The following NAA11 variants were observed in gnomAD, a reference collection of about 807,000 sequenced individuals.
NAA11 encodes N-alpha-acetyltransferase 11, NatA catalytic subunit.
Under a neutral mutation model 16.1 loss-of-function variants are expected in NAA11, and 15 were observed. The ratio of observed to expected loss-of-function variants is 0.93; its 90% CI spans 0.62 to 1.44. The LOEUF (loss-of-function observed/expected upper bound fraction) is 1.44. Among genes scored for constraint, NAA11 ranks in the 40% most tolerant of loss-of-function variants. The pLI, the probability that NAA11 is intolerant of heterozygous loss-of-function variation, is 0.00. For synonymous variants in NAA11, 122 were observed against 112.4 expected, an observed-to-expected ratio of 1.09 and a Z score of -0.54; for missense variants, 298 against 291.3, an observed-to-expected ratio of 1.02 and a Z score of -0.17.
chr4:79,162,123 A>C, the NAA11 span, among the ~76,000 whole-genome samples: 1,859 of 152,178 alleles, frequency 0.012, 40 homozygotes, highest in African/African-American at 0.042. Context: ...TTATTTTTAC[A>C]ATGTTTATTG....
chr4:79,199,147 T>C, the NAA11 span, among the ~76,000 whole-genome samples: 1 of 151,912 alleles, frequency 6.6e-6, no homozygotes, highest in Non-Finnish European at 1.5e-5. Context: ...TAAAAAGATA[T>C]GTAGCCGAGG....
At chr4:79,207,241 T>C in the NAA11 span, among the ~76,000 whole-genome samples, 1 of 151,920 alleles carries the variant, frequency 6.6e-6, no homozygotes, top group Admixed American at 6.6e-5. Context: ...CTATGTTGAA[T>C]AGAAGTGGTG....
the NAA11 span, among the ~76,000 whole-genome samples, chr4:79,167,347 T>C: frequency 6.8e-6 from 1 of 146,666 alleles, no homozygotes; most frequent in Non-Finnish European, 1.5e-5. Context: ...AGGACTTATG[T>C]TTTGGGAAAT....
the NAA11 span, among the ~76,000 whole-genome samples, chr4:79,204,092 T>G: frequency 1.3e-5 from 2 of 151,874 alleles, no homozygotes; most frequent in East Asian, 3.9e-4. Flanking sequence ...AAAGGTATTT[T>G]GACAATGTAT....
At chr4:79,246,131 A>G (rs1721817138) in intron 2 of NAA11, among the ~76,000 whole-genome samples, 1 of 152,198 alleles carries the variant, frequency 6.6e-6, no homozygotes. Flanking sequence ...AAATGGATTA[A>G]GGGCAGTGCA....
At chr4:79,318,005 C>T (rs1335663862) in intron 1 of NAA11, among the ~76,000 whole-genome samples, 2 of 152,114 alleles carry the variant, frequency 1.3e-5, no homozygotes, top group Non-Finnish European at 2.9e-5. Flanking sequence ...CCCCTCCCTG[C>T]CATAAGAACA....
the NAA11 span, among the ~76,000 whole-genome samples, chr4:79,161,485 G>T: frequency 6.6e-6 from 1 of 152,156 alleles, no homozygotes; most frequent in African/African-American, 2.4e-5. Context: ...TTTTCCAAGG[G>T]TGTTTTTTGC....
intron 2 of NAA11, among the ~76,000 whole-genome samples, chr4:79,236,089 G>C (rs574154417): frequency 6.6e-6 from 1 of 152,132 alleles, no homozygotes; most frequent in Non-Finnish European, 1.5e-5. Flanking sequence ...AATTATTATA[G>C]GTTAATTTTA....
chr4:79,219,587 CATTGACATTTTTT>C, the NAA11 span, among the ~76,000 whole-genome samples: 1 of 152,060 alleles, frequency 6.6e-6, no homozygotes, highest in Non-Finnish European at 1.5e-5. Context: ...ATATGATATG[CATTGACATTTTTT>C]TCAACTCTTA....
the NAA11 span, among the ~76,000 whole-genome samples, chr4:79,218,822 G>T: frequency 6.6e-6 from 1 of 152,068 alleles, no homozygotes. Context: ...ATTTTGCTTA[G>T]ATTCTTTAAG....
chr4:79,158,403 G>C, the NAA11 span, among the ~76,000 whole-genome samples: 1 of 151,922 alleles, frequency 6.6e-6, no homozygotes. Flanking sequence ...ATACCTAACT[G>C]AGGAAATGAA....
chr4:79,185,053 A>C, the NAA11 span, among the ~76,000 whole-genome samples: 2 of 152,130 alleles, frequency 1.3e-5, no homozygotes, highest in Non-Finnish European at 2.9e-5. Context: ...TGAATTTTAC[A>C]TGCCTGAGTT....
chr4:79,292,788 G>A (rs775308270), intron 2 of NAA11, among the ~76,000 whole-genome samples: 1 of 151,844 alleles, frequency 6.6e-6, no homozygotes, highest in Non-Finnish European at 1.5e-5. Context: ...TACCTTTTTT[G>A]CTTTGATCTA....
At position 79,303,076 on chromosome 4, in the gene NAA11, T is replaced by TTATATATATA. The variant is rs59261096; in HGVS notation, c.*13-8972_*13-8963dup. ...TTCATTCCTGTTCTCTTGAGGCCTT[T>TTATATATATA]TATATATATATATATATATATATAT... On this transcript the variant is annotated intron_variant and NMD_transcript_variant, in intron 1 of 2. Coordinates refer to the NAA11 transcript ENST00000511542. 6.1e-3 allele frequency among the ~76,000 whole-genome samples: 410 copies of TTATATATATA among 67,430 alleles called. 11 individuals are homozygous for TTATATATATA. Among genetic ancestry groups the TTATATATATA allele is most frequent in the Non-Finnish European group, 7.8e-3 (273 of 35,034 alleles). 44.2% of individuals were successfully genotyped at this position (67,430 alleles called of 152,430 possible). A position where few individuals can be genotyped will look rare whatever the true frequency, so the allele number is the denominator to read the frequency against.
rs1289396920 is a variant in NAA11, at chr4:79,325,586, T to C, written c.292A>G (p.Met98Val). The C allele has an allele frequency of 3.1e-6, 5 of 1,614,086 alleles. No homozygotes were observed. The highest frequency in any genetic ancestry group is 2.5e-6 in the Non-Finnish European group (3 of 1,179,940). The change falls in exon 1 of 2, where the codon ATG becomes GTG. Residue 98 changes from methionine (M) to valine (V), a missense_variant. Coordinates refer to ENST00000286794, the MANE Select transcript of NAA11 (RefSeq NM_032693.3). ...TATTTGGCGTTAAAGTTCTCTATCA[T>C]GGCCCTGGAGGCCTGGTCCATCAGC... ...QKLMDQASRA[M>V]IENFNAKYVS...
At chr4:79,223,580 G>T (rs1721241984), downstream of NAA11, among the ~76,000 whole-genome samples, 1 of 150,594 alleles carries the variant, frequency 6.6e-6, no homozygotes, top group Non-Finnish European at 1.5e-5. Flanking sequence ...CACCAGCATG[G>T]CACATGTATA....
chr4:79,171,116 T>C, the NAA11 span, among the ~76,000 whole-genome samples: 39 of 152,324 alleles, frequency 2.6e-4, no homozygotes, highest in African/African-American at 9.4e-4. Flanking sequence ...ATGGTTTGAA[T>C]GTGTCTCCAA....
At chr4:79,230,804 A>T (rs1218807200) in intron 2 of NAA11, among the ~76,000 whole-genome samples, 2 of 151,994 alleles carry the variant, frequency 1.3e-5, no homozygotes, top group Non-Finnish European at 2.9e-5. Context: ...GAAAGTGCTC[A>T]AGAACTTTGA....
chr4:79,195,068 G>A, the NAA11 span, among the ~76,000 whole-genome samples: 1 of 152,102 alleles, frequency 6.6e-6, no homozygotes, highest in African/African-American at 2.4e-5. Flanking sequence ...TACTTCTTCA[G>A]TAGATAAAAG....
Sources: allele counts gnomAD v4.1 joint callset (sites outside exome capture counted in the v4.1 genomes callset), GRCh38; gene constraint gnomAD v4.1.1; transcripts MANE v1.5; gene names NCBI Gene and HGNC (gene_info 2026-07-23, HGNC 2026-07-21).